Variants in ANKFN1 observed in about 807,000 individuals in gnomAD.
ANKFN1 encodes ankyrin repeat and fibronectin type III domain containing 1, also known as ankyrin repeat and fibronectin type-III domain-containing protein 1.
A neutral mutation model predicts 108.7 loss-of-function variants in ANKFN1; 74 were observed. The ratio of observed to expected loss-of-function variants is 0.68; its 90% CI spans 0.56 to 0.83. ANKFN1 has a LOEUF of 0.83. Among genes scored for constraint, ANKFN1 ranks in the 40% least tolerant of loss-of-function variants. The pLI, the probability that ANKFN1 is intolerant of heterozygous loss-of-function variation, is 0.00. For missense variants in ANKFN1, 1,505 were observed against 1,382.3 expected, an observed-to-expected ratio of 1.09 and a Z score of -1.41; for synonymous variants, 547 against 516.2, an observed-to-expected ratio of 1.06 and a Z score of -0.81.
chr17:56,510,722 C>T lies in ANKFN1; in HGVS notation c.2894C>T (p.Ser965Leu), dbSNP rs2051723965. ...GGCGAGGGCCCAAATCCCGATCACT[C>T]ATGTGCCGAGTTTCTCCATAGCCTG... ...PQGEGPNPDHSCAEFLHSLTL... is the reference protein window; with the variant it reads ...PQGEGPNPDHLCAEFLHSLTL... Residue 965 changes from serine to leucine, a missense_variant, in exon 21 of 21, where the codon TCA becomes TTA. Coordinates refer to ENST00000682825, the MANE Select transcript of ANKFN1 (RefSeq NM_001370326.1). The T allele has an allele frequency of 6.5e-7, 1 of 1,536,028 alleles. No homozygotes were observed. The highest frequency in any genetic ancestry group is 2.0e-5 in the Admixed American group (1 of 50,990).
intron 4 of ANKFN1, among the ~76,000 whole-genome samples, chr17:56,105,556 C>T (rs1344075183): frequency 6.6e-6 from 1 of 151,660 alleles, no homozygotes; most frequent in Non-Finnish European, 1.5e-5. Context: ...TCCTGACTTC[C>T]TTTCCTCTCT....
chr17:56,049,707 C>A (rs1181991877), intron 4 of ANKFN1, among the ~76,000 whole-genome samples: 2 of 149,512 alleles, frequency 1.3e-5, no homozygotes, highest in African/African-American at 5.0e-5. Flanking sequence ...CATGTCCCTA[C>A]AAAGGACATG....
chr17:56,170,808 A>ACC (rs1910622971), intron 1 of ANKFN1, among the ~76,000 whole-genome samples: 1 of 67,618 alleles, frequency 1.5e-5, no homozygotes, highest in African/African-American at 8.1e-5. Flanking sequence ...ATATATATAT[A>ACC]CACACACACA....
intron 1 of ANKFN1, among the ~76,000 whole-genome samples, chr17:56,172,530 A>G (rs1360069650): frequency 1.3e-5 from 2 of 152,104 alleles, no homozygotes; most frequent in African/African-American, 4.8e-5. Flanking sequence ...AGGCAGGGCC[A>G]TGAAAGCTGC....
chr17:56,382,081 G>A (rs903989830), intron 8 of ANKFN1, among the ~76,000 whole-genome samples: 19 of 152,042 alleles, frequency 1.2e-4, no homozygotes, highest in African/African-American at 3.1e-4. Context: ...GACTAACAGC[G>A]GATCTCTCGT....
chr17:56,115,001 A>G (rs779819568), intron 4 of ANKFN1, among the ~76,000 whole-genome samples: 2 of 152,232 alleles, frequency 1.3e-5, no homozygotes, highest in Non-Finnish European at 2.9e-5. Flanking sequence ...CTCCAGAAAT[A>G]AATGCAGTCG....
chr17:56,302,714 T>C (rs1002979912), intron 3 of ANKFN1, among the ~76,000 whole-genome samples: 1 of 152,156 alleles, frequency 6.6e-6, no homozygotes, highest in Non-Finnish European at 1.5e-5. Context: ...AGACAGAGTA[T>C]ATATTTCTAT....
At chr17:56,498,342 A>G (rs1166986896) in intron 19 of ANKFN1, among the ~76,000 whole-genome samples, 1 of 152,170 alleles carries the variant, frequency 6.6e-6, no homozygotes, top group Non-Finnish European at 1.5e-5. Context: ...AACTAGGACT[A>G]CATTTCTTTC....
intron 18 of ANKFN1, among the ~76,000 whole-genome samples, chr17:56,491,250 C>T (rs977418339): frequency 4.6e-5 from 7 of 152,180 alleles, no homozygotes; most frequent in African/African-American, 1.7e-4. Context: ...ATGGAACACA[C>T]TGGTACAGGC....
intron 4 of ANKFN1, among the ~76,000 whole-genome samples, chr17:56,331,429 G>C (rs1188434159): frequency 6.6e-6 from 1 of 152,136 alleles, no homozygotes; most frequent in African/African-American, 2.4e-5. Flanking sequence ...GACTGGCTCA[G>C]ACCTTTTGTC....
chr17:56,238,399 T>A (rs1482375251), intron 3 of ANKFN1, among the ~76,000 whole-genome samples: 1 of 152,152 alleles, frequency 6.6e-6, no homozygotes, highest in East Asian at 1.9e-4. Flanking sequence ...ACTATTATTG[T>A]GTGCGAATCT....
At chr17:56,366,163 A>C (rs1287078215) in intron 6 of ANKFN1, among the ~76,000 whole-genome samples, 1 of 152,142 alleles carries the variant, frequency 6.6e-6, no homozygotes, top group Non-Finnish European at 1.5e-5. Flanking sequence ...AACAGTTTAA[A>C]ATTTTTTTTA....
intron 14 of ANKFN1, 99 bp from the exon 15 acceptor site, chr17:56,466,257 C>G: frequency 2.7e-6 from 3 of 1,096,648 alleles, no homozygotes; most frequent in Middle Eastern, 2.1e-4. Flanking sequence ...CAAACAGCTT[C>G]TCAGAAATCA....
At chr17:56,126,444 G>A (rs887331909) in intron 4 of ANKFN1, among the ~76,000 whole-genome samples, 9 of 152,058 alleles carry the variant, frequency 5.9e-5, no homozygotes, top group South Asian at 2.1e-4. Context: ...GGGAGGCTTC[G>A]TCATATGTTC....
intron 4 of ANKFN1, among the ~76,000 whole-genome samples, chr17:56,066,067 C>A (rs1300129586): frequency 1.3e-5 from 2 of 152,242 alleles, no homozygotes; most frequent in Non-Finnish European, 2.9e-5. Context: ...AGAACAGCAA[C>A]AACAAAGGAT....
intron 6 of ANKFN1, among the ~76,000 whole-genome samples, chr17:56,362,495 G>A (rs535469842): frequency 6.6e-6 from 1 of 152,266 alleles, no homozygotes; most frequent in Admixed American, 6.5e-5. Context: ...AACATACAAT[G>A]GAAAGAGAAT....
In ANKFN1 at chr17:56,387,976, T is replaced by A. The variant is rs187995797; in HGVS notation, c.910+13262T>A. 8.5e-4 allele frequency among the ~76,000 whole-genome samples: 129 copies of A among 152,306 alleles called. 1 individual carries two copies. The highest frequency in any genetic ancestry group is 2.7e-3 in the African/African-American group (112 of 41,578). ...CAAAGTGATATAGGGGACTTTTTTTTAATTTGTACTGAAAAGCTTATAATG... is the reference window on the plus strand; with the variant it reads ...CAAAGTGATATAGGGGACTTTTTTTAAATTTGTACTGAAAAGCTTATAATG... On this transcript the variant is annotated intron_variant, in intron 8 of 20. Coordinates refer to ENST00000682825, the MANE Select transcript of ANKFN1 (RefSeq NM_001370326.1).
chr17:56,242,533 G>A (rs1339504911), intron 3 of ANKFN1, among the ~76,000 whole-genome samples: 1 of 151,956 alleles, frequency 6.6e-6, no homozygotes, highest in East Asian at 1.9e-4. Flanking sequence ...GATTTTTAAT[G>A]CAGCAACACT....
chr17:56,334,115 A>G (rs1448292528), intron 4 of ANKFN1, among the ~76,000 whole-genome samples: 4 of 152,310 alleles, frequency 2.6e-5, no homozygotes, highest in South Asian at 2.1e-4. Context: ...CATACAATGG[A>G]ATACGTCTCA....
Sources: gnomAD v4.1 joint callset for allele counts (sites outside exome capture counted in the v4.1 genomes callset) on GRCh38, gnomAD v4.1.1 for gene constraint, MANE v1.5 for transcripts, NCBI Gene and HGNC (gene_info 2026-07-23, HGNC 2026-07-21) for gene names.